The following AGTPBP1 variants were observed in gnomAD, a reference collection of about 807,000 sequenced individuals.
The protein encoded by AGTPBP1 is cytosolic carboxypeptidase 1.
AGTPBP1 carries 70 observed loss-of-function variants against 143.9 expected under a neutral mutation model. That is an observed-to-expected ratio of 0.49 (90% confidence interval 0.40 to 0.59). The LOEUF is 0.59. Ranked by LOEUF, AGTPBP1 falls within the 20% of genes least tolerant of loss-of-function variation. The probability of loss-of-function intolerance (pLI) is 0.00; values close to 1 mark genes in which losing one functional copy is unlikely to be tolerated. For synonymous variants in AGTPBP1, 463 were observed against 500.2 expected (o/e 0.93, Z 0.99); for missense variants, 1,229 against 1,464.5 (o/e 0.84, Z 2.62).
intron 14 of AGTPBP1, among the ~76,000 whole-genome samples, chr9:85,626,705 A>G (rs1296493495): frequency 6.6e-6 from 1 of 152,236 alleles, no homozygotes; most frequent in Non-Finnish European, 1.5e-5. Context: ...AGAGCCAGAT[A>G]GGCTTTGCAG....
At chr9:85,571,067 G>C (rs1003201073) in intron 25 of AGTPBP1, among the ~76,000 whole-genome samples, 1 of 152,196 alleles carries the variant, frequency 6.6e-6, no homozygotes, top group Non-Finnish European at 1.5e-5. Context: ...GGTTATGTCT[G>C]TCTTTATTTG....
chr9:85,681,382 G>C, intron 3 of AGTPBP1, 47 bp from the exon 4 acceptor site: 1 of 1,527,648 alleles, frequency 6.5e-7, no homozygotes, highest in Non-Finnish European at 9.0e-7. Context: ...ATTTTTAAAA[G>C]TATGTATAGT....
intron 1 of AGTPBP1, among the ~76,000 whole-genome samples, chr9:85,726,270 T>C (rs1838485944): frequency 6.6e-6 from 1 of 151,914 alleles, no homozygotes; most frequent in Non-Finnish European, 1.5e-5. Flanking sequence ...GAAAAATGTT[T>C]ACATGTTGCA....
At position 85,632,729 on chromosome 9, in the gene AGTPBP1, C is replaced by T. The variant is rs748605377; in HGVS notation, c.1948G>A (p.Asp650Asn). Residue 650 changes from aspartate (D) to asparagine (N), a missense_variant, in exon 14 of 26, where the codon GAT (aspartate) becomes AAT (asparagine). Physicochemically the swap from Asp to Asn is conservative, Grantham distance 23. Coordinates refer to ENST00000357081, the MANE Select transcript of AGTPBP1 (RefSeq NM_001330701.2). The stretch of plus-strand genomic sequence containing the variant: ...GGAGGCGGAATGTGACCAAAATAAT[C>T]GGGATAAGCCACCTCTGAATATTCT... The part of the protein sequence containing the change: ...VPEYSEVAYP[D>N]YFGHIPPPFK... 4 of 1,613,938 alleles carry T rather than the reference C, an allele frequency of 2.5e-6. No homozygotes were observed. The highest frequency in any genetic ancestry group is 3.4e-6 in the Non-Finnish European group (4 of 1,179,926).
the AGTPBP1 span, among the ~76,000 whole-genome samples, chr9:85,800,697 G>A: frequency 6.6e-6 from 1 of 152,002 alleles, no homozygotes; most frequent in Non-Finnish European, 1.5e-5. Flanking sequence ...TTCTAAGTAG[G>A]AAAAGTCCAT....
At chr9:85,705,106 AAGAG>A (rs1836898130) in intron 2 of AGTPBP1, among the ~76,000 whole-genome samples, 1 of 152,096 alleles carries the variant, frequency 6.6e-6, no homozygotes, top group East Asian at 1.9e-4. Context: ...CCTGAAGGAC[AAGAG>A]AGAGAGAAAA....
chr9:85,679,779 T>C (rs1162877879), intron 4 of AGTPBP1, among the ~76,000 whole-genome samples: 2 of 152,176 alleles, frequency 1.3e-5, no homozygotes, highest in Non-Finnish European at 2.9e-5. Flanking sequence ...GTTTTCCAAG[T>C]ATCCATGGTG....
At chr9:85,708,821 C>T (rs1837187230) in intron 2 of AGTPBP1, among the ~76,000 whole-genome samples, 1 of 152,222 alleles carries the variant, frequency 6.6e-6, no homozygotes, top group South Asian at 2.1e-4. Context: ...CAGGCGTGAG[C>T]CACCATGCCC....
the AGTPBP1 span, among the ~76,000 whole-genome samples, chr9:85,768,056 C>A: frequency 6.6e-5 from 10 of 152,200 alleles, no homozygotes; most frequent in Admixed American, 2.0e-4. Flanking sequence ...GCAAATTTTT[C>A]ATCCCAGGAT....
chr9:85,567,146 T>C (rs1212214987), intron 25 of AGTPBP1, among the ~76,000 whole-genome samples: 3 of 152,168 alleles, frequency 2.0e-5, no homozygotes, highest in Non-Finnish European at 4.4e-5. Flanking sequence ...AGTGGGGGAC[T>C]CTACTTAAAA....
chr9:85,553,780 G>A (rs1048282837), intron 25 of AGTPBP1: 2 of 152,118 alleles, frequency 1.3e-5, no homozygotes, highest in African/African-American at 4.8e-5. Context: ...TACATACTTG[G>A]GGGATATAAG....
chr9:85,589,719 A>G, intron 19 of AGTPBP1, 38 bp from the exon 20 acceptor site: 1 of 1,561,518 alleles, frequency 6.4e-7, no homozygotes, highest in Non-Finnish European at 8.7e-7. Flanking sequence ...ACAATCACTT[A>G]AAAAGTCCCT....
At chr9:85,803,802 T>C in the AGTPBP1 span, among the ~76,000 whole-genome samples, 2 of 152,218 alleles carry the variant, frequency 1.3e-5, no homozygotes, top group Admixed American at 1.3e-4. Flanking sequence ...ATTCTTAAAA[T>C]GTCTAAATCT....
At chr9:85,759,737 C>G in the AGTPBP1 span, among the ~76,000 whole-genome samples, 1 of 152,140 alleles carries the variant, frequency 6.6e-6, no homozygotes, top group African/African-American at 2.4e-5. Context: ...CAAACACATT[C>G]AAAAGCTAGC....
chr9:85,657,472 T>C lies in AGTPBP1; in HGVS notation c.872A>G (p.Asp291Gly), dbSNP rs756546565. 1 of 1,613,754 alleles carries C rather than the reference T, an allele frequency of 6.2e-7. No homozygotes were observed. Among genetic ancestry groups the C allele is most frequent in the Admixed American group, 1.7e-5 (1 of 60,012 alleles). Residue 291 changes from aspartate (D) to glycine (G), a missense_variant, in exon 10 of 26, where the codon GAT (aspartate) becomes GGT (glycine). Asp to Gly is a moderately conservative substitution (Grantham distance 94). Transcript: ENST00000357081. ...NIKLGRKAFI[D>G]ANGMKILYNT... Reference sequence around the variant, plus strand: ...ATACAGAATTTTCATCCCATTGGCATCAATAAATGCTTTTCTTCCCAACTT... The same window carrying C: ...ATACAGAATTTTCATCCCATTGGCACCAATAAATGCTTTTCTTCCCAACTT...
chr9:85,642,945 T>C lies in AGTPBP1; in HGVS notation c.1186-2A>G. On this transcript the variant is annotated splice_acceptor_variant, in intron 12 of 25. Coordinates refer to ENST00000357081, the MANE Select transcript of AGTPBP1 (RefSeq NM_001330701.2). LOFTEE classifies it high-confidence loss of function. Reference sequence around the variant, plus strand: ...AATATCTGTTTCAATATCATCATTCTGAAATGATAAAAAGAGTATGTTATC... The same window carrying C: ...AATATCTGTTTCAATATCATCATTCCGAAATGATAAAAAGAGTATGTTATC... 1.2e-6 allele frequency: 2 copies of C among 1,601,040 alleles called. No homozygotes were observed. Among genetic ancestry groups the C allele is most frequent in the Non-Finnish European group, 1.7e-6 (2 of 1,169,876 alleles).
In AGTPBP1 at chr9:85,547,150, C is replaced by A. The variant is rs374016566; in HGVS notation, c.3640G>T (p.Val1214Leu). ...CTTGATAATTCAGAGTCAGAAAGTACTTCTTCTTGAGCAGAAGGTTCATAA... is the reference window on the plus strand; with the variant it reads ...CTTGATAATTCAGAGTCAGAAAGTAATTCTTCTTGAGCAGAAGGTTCATAA... ...GDYEPSAQEE[V>L]LSDSELSRTY... The change falls in exon 26 of 26, where the codon GTA becomes TTA. Residue 1214 changes from valine to leucine, a missense_variant. By Grantham distance (32) the Val-to-Leu change is conservative (BLOSUM62 1). Around this residue, in one of 2 missense-constraint regions of AGTPBP1, gnomAD observed 486 missense variants for 652.3 expected, o/e 0.75. Transcript: ENST00000357081. The A allele has an allele frequency of 6.2e-7, 1 of 1,612,658 alleles. No individual in the cohort carries two copies. The highest frequency in any genetic ancestry group is 8.5e-7 in the Non-Finnish European group (1 of 1,179,466).
At chr9:85,712,941 GTACACC>G (rs1837474560) in intron 1 of AGTPBP1, among the ~76,000 whole-genome samples, 1 of 152,062 alleles carries the variant, frequency 6.6e-6, no homozygotes, top group African/African-American at 2.4e-5. Context: ...TGCACTTACT[GTACACC>G]ATTCACACAG....
chr9:85,558,250 T>C (rs766506139), intron 25 of AGTPBP1, among the ~76,000 whole-genome samples: 26 of 152,340 alleles, frequency 1.7e-4, no homozygotes, highest in Non-Finnish European at 2.8e-4. Context: ...TCACATATTG[T>C]ATGATTCCAT....
Sources: allele counts gnomAD v4.1 joint callset (sites outside exome capture counted in the v4.1 genomes callset), GRCh38; gene constraint gnomAD v4.1.1; regional missense constraint gnomAD v4.1.1; transcripts MANE v1.5; gene names NCBI Gene and HGNC (gene_info 2026-07-23, HGNC 2026-07-21).